The following NUP58 variants were observed in gnomAD, a reference collection of about 807,000 sequenced individuals.
NUP58 encodes the protein nucleoporin p58/p45.
In NUP58, 17 loss-of-function variants were observed where a neutral mutation model predicts 70.1. That is an observed-to-expected ratio of 0.24 (90% CI 0.17 to 0.36). The LOEUF is 0.36. Ranked by LOEUF, NUP58 falls within the 10% of genes least tolerant of loss-of-function variation. The probability of loss-of-function intolerance (pLI) is 1.00; values close to 1 mark genes in which losing one functional copy is unlikely to be tolerated. For missense variants in NUP58, 644 were observed against 701.5 expected, an observed-to-expected ratio of 0.92 and a Z score of 0.93; for synonymous variants, 275 against 257.6, an observed-to-expected ratio of 1.07 and a Z score of -0.65.
intron 9 of NUP58, among the ~76,000 whole-genome samples, chr13:25,322,599 A>G (rs2137780338): frequency 6.6e-6 from 1 of 152,360 alleles, no homozygotes; most frequent in South Asian, 2.1e-4. Context: ...AATTGTATAC[A>G]GTTACTTTCA....
In NUP58 at chr13:25,326,964, C is replaced by T. The variant is rs771294077; in HGVS notation, c.1080C>T (p.Tyr360=). 6 of 1,609,196 alleles carry T rather than the reference C, an allele frequency of 3.7e-6. No individual in the cohort carries two copies. In the South Asian group the frequency reaches 6.7e-5, roughly 18 times the overall value. The stretch of plus-strand genomic sequence containing the variant: ...AATTTGAGGTACAGCTTCAGCAGTA[C>T]AGGCAGCAGATTGAAGAACTAGAAA... The part of the protein sequence containing the change: ...VQQFEVQLQQ[Y]RQQIEELENH... The change falls in exon 11 of 16, where the codon TAC becomes TAT. Residue 360 remains tyrosine (Y), a synonymous_variant. Coordinates refer to ENST00000381736, the MANE Select transcript of NUP58 (RefSeq NM_014089.4).
intron 3 of NUP58, among the ~76,000 whole-genome samples, chr13:25,311,479 A>T (rs1330413036): frequency 6.6e-6 from 1 of 151,996 alleles, no homozygotes; most frequent in East Asian, 1.9e-4. Flanking sequence ...AGGTTCAAAC[A>T]ATTCTCCTGT....
intron 13 of NUP58, chr13:25,332,003 C>T: frequency 9.9e-7 from 1 of 1,014,626 alleles, no homozygotes; most frequent in Non-Finnish European, 1.2e-6. Context: ...AAAGTACCCA[C>T]ATTCAGGATG....
chr13:25,341,176 C>T lies in NUP58; in HGVS notation c.*1042C>T, dbSNP rs2031944391. ...TTTCCATTTTTGTTTCCACCTTAAC[C>T]TATAGCAGCTCCTCCAAATGAGGAA... On this transcript the variant is annotated 3_prime_UTR_variant, in exon 16 of 16. Transcript: ENST00000381736. 6.6e-6 allele frequency: 1 copy of T among 152,288 alleles called. No individual in the cohort carries two copies. The highest frequency in any genetic ancestry group is 1.5e-5 in the Non-Finnish European group (1 of 68,046). The allele number at this position is 152,288 out of a possible 1,614,324, so 9.4% of individuals were successfully genotyped here.
chr13:25,307,560 TA>T (rs1433050353), intron 1 of NUP58, among the ~76,000 whole-genome samples: 1 of 152,188 alleles, frequency 6.6e-6, no homozygotes, highest in Non-Finnish European at 1.5e-5. Flanking sequence ...CATGTGGATT[TA>T]TTTTTTTTTA....
At chr13:25,338,866 C>G (rs149845663) in intron 15 of NUP58, 135 bp downstream of exon 15, 64 of 601,436 alleles carry the variant, frequency 1.1e-4, no homozygotes, top group African/African-American at 9.5e-4. Flanking sequence ...ATGAAGTGTG[C>G]AAGCCTAACT....
At chr13:25,321,213 A>G (rs2137775236) in intron 9 of NUP58, 120 bp downstream of exon 9, 1 of 784,068 alleles carries the variant, frequency 1.3e-6, no homozygotes, top group Non-Finnish European at 2.0e-6. Flanking sequence ...GCATACCGGT[A>G]GAAAACCAGA....
rs192027291 is a variant in NUP58, at chr13:25,301,909, C to A, written c.107+29C>A. 1,419 of 1,451,988 alleles carry A rather than the reference C, an allele frequency of 9.8e-4. 7 individuals are homozygous for A. The highest frequency in any genetic ancestry group is 1.2e-3 in the South Asian group (102 of 85,698). The allele number at this position is 1,451,988 out of a possible 1,614,324, so 89.9% of individuals were successfully genotyped here. On this transcript the variant is annotated intron_variant, in intron 1 of 15. Transcript: ENST00000381736. ...ACCGCACTTTCTCGCCTTCCTGGGC[C>A]GGATTCACCCCCACCCCCACCCCCG... is the stretch of plus-strand genomic sequence containing the variant.
intron 9 of NUP58, among the ~76,000 whole-genome samples, chr13:25,324,417 G>A (rs2031310366): frequency 6.6e-6 from 1 of 152,192 alleles, no homozygotes; most frequent in Admixed American, 6.5e-5. Flanking sequence ...GAATGGTTGA[G>A]TGTGTAAGCT....
chr13:25,317,679 C>T (rs1375421712), intron 6 of NUP58: 1 of 151,812 alleles, frequency 6.6e-6, no homozygotes, highest in Non-Finnish European at 1.5e-5. Context: ...TTCCATGTCT[C>T]ATAAAATCTA....
intron 12 of NUP58, among the ~76,000 whole-genome samples, chr13:25,330,968 GA>G (rs2031582443): frequency 6.6e-6 from 1 of 151,752 alleles, no homozygotes; most frequent in Admixed American, 6.6e-5. Context: ...AAAAGGCTAT[GA>G]AAAGGTTGGA....
At chr13:25,335,635 T>G (rs983665014) in intron 13 of NUP58, 6 of 985,082 alleles carry the variant, frequency 6.1e-6, no homozygotes, top group Admixed American at 1.2e-4. Flanking sequence ...AGTTATTGTT[T>G]GTTTTCTGGG....
intron 13 of NUP58, 28 bp from the exon 14 acceptor site, chr13:25,336,908 C>A: frequency 2.4e-6 from 3 of 1,268,978 alleles, no homozygotes; most frequent in Non-Finnish European, 3.3e-6. Context: ...TTTTTTTCCC[C>A]CCCATTTTTT....
At chr13:25,347,806 T>G (rs2032067505) in intron 3 of NUP58, among the ~76,000 whole-genome samples, 1 of 152,188 alleles carries the variant, frequency 6.6e-6, no homozygotes, top group African/African-American at 2.4e-5. Flanking sequence ...TCTTCTCAAT[T>G]AGCCAAACAA....
intron 4 of NUP58, 50 bp downstream of exon 4, chr13:25,313,082 A>T: frequency 1.3e-6 from 2 of 1,584,822 alleles, no homozygotes; most frequent in Non-Finnish European, 1.7e-6. Flanking sequence ...TTTCAATTTT[A>T]TCTGGTTAGA....
chr13:25,308,161 C>T (rs569058618), intron 2 of NUP58: 28 of 418,824 alleles, frequency 6.7e-5, no homozygotes, highest in African/African-American at 4.8e-4. Flanking sequence ...CGAAGGAAAA[C>T]ATACAAATAT....
chr13:25,336,913 T>A (rs1485336808), intron 13 of NUP58, 23 bp from the exon 14 acceptor site: 28 of 173,220 alleles, frequency 1.6e-4, no homozygotes, highest in East Asian at 3.6e-4. Context: ...TTCCCCCCCA[T>A]TTTTTTTTTT....
chr13:25,331,075 T>C (rs1488669049), intron 12 of NUP58, among the ~76,000 whole-genome samples: 2 of 152,220 alleles, frequency 1.3e-5, no homozygotes, highest in Non-Finnish European at 2.9e-5. Flanking sequence ...TAAATATTAC[T>C]CTGTCTAAAA....
chr13:25,313,487 G>T (rs971599846), intron 4 of NUP58, 127 bp from the exon 5 acceptor site: 1 of 811,490 alleles, frequency 1.2e-6, no homozygotes. Flanking sequence ...GTAATTTTTA[G>T]CAAGTAGTTC....
Sources: allele counts gnomAD v4.1 joint callset (sites outside exome capture counted in the v4.1 genomes callset), GRCh38; gene constraint gnomAD v4.1.1; transcripts MANE v1.5; gene names NCBI Gene and HGNC (gene_info 2026-07-23, HGNC 2026-07-21).